DPP6: variants seen among roughly 807,000 people sequenced by gnomAD.
The protein encoded by DPP6 is A-type potassium channel modulatory protein DPP6.
In DPP6, 69 loss-of-function variants were observed where a neutral mutation model predicts 122.6. The observed-to-expected ratio is 0.56, with a 90% CI of 0.46 to 0.69. The LOEUF (loss-of-function observed/expected upper bound fraction) is 0.69, where lower values mean the gene tolerates loss of function less well. DPP6 is among the 30% of genes least tolerant of loss of function. DPP6 has a pLI of 0.00. For synonymous variants in DPP6, 418 were observed against 433.1 expected, an observed-to-expected ratio of 0.97 and a Z score of 0.43; for missense variants, 928 against 1,116.9, an observed-to-expected ratio of 0.83 and a Z score of 2.41.
chr7:154,301,341 A>G (rs1018300479), intron 1 of DPP6, among the ~76,000 whole-genome samples: 1 of 152,208 alleles, frequency 6.6e-6, no homozygotes, highest in Admixed American at 6.5e-5. Flanking sequence ...AAAGGAGTGC[A>G]GTGGCTCTTT....
chr7:154,805,351 G>A (rs1476595002), intron 15 of DPP6, among the ~76,000 whole-genome samples: 1 of 152,128 alleles, frequency 6.6e-6, no homozygotes, highest in African/African-American at 2.4e-5. Flanking sequence ...AAACCCGTGG[G>A]TCAGCACGAG....
intron 1 of DPP6, among the ~76,000 whole-genome samples, chr7:153,949,673 A>T (rs1802115413): frequency 6.6e-6 from 1 of 152,118 alleles, no homozygotes; most frequent in Non-Finnish European, 1.5e-5. Context: ...AACACCCCAA[A>T]CTGCATATGT....
chr7:153,778,647 T>TCAA, the DPP6 span, among the ~76,000 whole-genome samples: 11 of 151,926 alleles, frequency 7.2e-5, no homozygotes, highest in Admixed American at 1.3e-4. Context: ...TATACCCTTG[T>TCAA]GCTCTTTTGT....
chr7:154,553,554 A>G (rs1829788298), intron 4 of DPP6, among the ~76,000 whole-genome samples: 1 of 152,206 alleles, frequency 6.6e-6, no homozygotes, highest in South Asian at 2.1e-4. Flanking sequence ...TGTGAGCTTC[A>G]GTACTTTATT....
At chr7:154,853,736 G>C in intron 16 of DPP6, 44 bp from the exon 17 acceptor site, 4 of 1,604,144 alleles carry the variant, frequency 2.5e-6, no homozygotes, top group East Asian at 2.2e-5. Context: ...TAAACTAATG[G>C]CTTCGTTTTT....
intron 1 of DPP6, among the ~76,000 whole-genome samples, chr7:154,383,549 TATG>T (rs1448268002): frequency 6.6e-5 from 10 of 152,086 alleles, no homozygotes; most frequent in African/African-American, 2.2e-4. Flanking sequence ...CATGAAAAAA[TATG>T]GTGGAAGATT....
At chr7:154,381,007 G>A (rs1204052828) in intron 1 of DPP6, among the ~76,000 whole-genome samples, 4 of 152,214 alleles carry the variant, frequency 2.6e-5, no homozygotes, top group African/African-American at 9.6e-5. Flanking sequence ...CATCTGGACT[G>A]TCTCATCTCA....
chr7:154,332,885 A>G (rs553335830), intron 1 of DPP6, among the ~76,000 whole-genome samples: 1 of 152,328 alleles, frequency 6.6e-6, no homozygotes, highest in East Asian at 1.9e-4. Flanking sequence ...TGGAAGCACC[A>G]TAATTGGGAA....
chr7:154,158,877 C>G (rs1796829699), intron 1 of DPP6, among the ~76,000 whole-genome samples: 3 of 152,120 alleles, frequency 2.0e-5, no homozygotes, highest in African/African-American at 7.2e-5. Context: ...TGCTCTAGGA[C>G]ACGGGTCGGG....
chr7:153,834,301 C>T, the DPP6 span, among the ~76,000 whole-genome samples: 5 of 151,830 alleles, frequency 3.3e-5, no homozygotes, highest in African/African-American at 9.7e-5. Flanking sequence ...TAAGTACATC[C>T]CATCTCCTCC....
Position 154,443,160 on chromosome 7 carries a change from T to A in DPP6, c.244-3054T>A, listed in dbSNP as rs536181847. Among the ~76,000 whole-genome samples, 6 of 152,294 alleles carry A rather than the reference T, an allele frequency of 3.9e-5. No individual in the cohort carries two copies. In the South Asian group the frequency reaches 1.2e-3, roughly 32 times the overall value. On this transcript the variant is annotated intron_variant, in intron 1 of 25. Coordinates refer to ENST00000377770, the MANE Select transcript of DPP6 (RefSeq NM_130797.4). ...CACAGGCCAGGCACCTGCCACTCCC[T>A]CTGTCTGGATTGTCTTCTCGGATGT...
In DPP6 at chr7:154,268,966, T is replaced by G. The variant is rs200377435; in HGVS notation, c.244-177248T>G. On this transcript the variant is annotated intron_variant, in intron 1 of 25. Coordinates refer to ENST00000377770, the MANE Select transcript of DPP6 (RefSeq NM_130797.4). Reference sequence around the variant, plus strand: ...AATTTGCAGATAAAAATGCCCATCTTAGATTGGTCAGCCTGGGGGTGAAAA... The same window carrying G: ...AATTTGCAGATAAAAATGCCCATCTGAGATTGGTCAGCCTGGGGGTGAAAA... Among the ~76,000 whole-genome samples the G allele has an allele frequency of 2.3e-4, 15 of 65,460 alleles. 1 individual carries two copies. Among genetic ancestry groups the G allele is most frequent in the Non-Finnish European group, 4.1e-4 (12 of 29,534 alleles). The allele number at this position is 65,460 out of a possible 152,430, so 42.9% of individuals were successfully genotyped here.
intron 16 of DPP6, among the ~76,000 whole-genome samples, chr7:154,843,704 T>G (rs916705902): frequency 6.6e-6 from 1 of 152,184 alleles, no homozygotes; most frequent in Non-Finnish European, 1.5e-5. Flanking sequence ...TTGCTCTTAC[T>G]AAAAGTAGAC....
Position 153,887,555 on chromosome 7 carries a change from A to AT in DPP6, c.-120dup, listed in dbSNP as rs1166504708. On this transcript the variant is annotated 5_prime_UTR_variant, in exon 1 of 26. Coordinates refer to the DPP6 transcript ENST00000404039. ...GGTGAGAAAACTGAAGACCTGGAAG[A>AT]TTTTTTTTTCCTTCAAAAACCCGTT... 883 of 1,067,740 alleles carry AT rather than the reference A, an allele frequency of 8.3e-4. 1 individual carries two copies. Among genetic ancestry groups the AT allele is most frequent in the Non-Finnish European group, 9.3e-4 (666 of 717,124 alleles). 66.1% of individuals were successfully genotyped at this position (1,067,740 alleles called of 1,614,324 possible).
intron 5 of DPP6, among the ~76,000 whole-genome samples, chr7:154,591,699 A>G (rs927570048): frequency 2.0e-5 from 3 of 152,172 alleles, no homozygotes; most frequent in African/African-American, 7.2e-5. Context: ...CTAAATATAA[A>G]CAGCCTCAGG....
chr7:153,976,018 TTAC>T (rs1796281501), intron 1 of DPP6, among the ~76,000 whole-genome samples: 1 of 152,146 alleles, frequency 6.6e-6, no homozygotes, highest in Admixed American at 6.5e-5. Flanking sequence ...TAAATTTCAT[TTAC>T]TATCATTCTT....
chr7:154,446,573 C>A, intron 2 of DPP6, among the ~76,000 whole-genome samples: 1 of 152,178 alleles, frequency 6.6e-6, no homozygotes, highest in East Asian at 1.9e-4. Flanking sequence ...CTTATACAAT[C>A]ACTTATTCAT....
At chr7:154,582,873 C>T (rs1319716985) in intron 5 of DPP6, among the ~76,000 whole-genome samples, 1 of 152,114 alleles carries the variant, frequency 6.6e-6, no homozygotes, top group Non-Finnish European at 1.5e-5. Context: ...CCCTGGGGAA[C>T]AGTATGAGTG....
intron 5 of DPP6, among the ~76,000 whole-genome samples, chr7:154,608,535 C>T (rs1833717912): frequency 6.9e-6 from 1 of 145,582 alleles, no homozygotes; most frequent in Non-Finnish European, 1.5e-5. Context: ...TGAGGTTTCA[C>T]CATGTTGGCC....
Sources: gnomAD v4.1 joint callset for allele counts (sites outside exome capture counted in the v4.1 genomes callset) on GRCh38, gnomAD v4.1.1 for gene constraint, MANE v1.5 for transcripts, NCBI Gene and HGNC (gene_info 2026-07-23, HGNC 2026-07-21) for gene names.